THADA: variants seen among roughly 807,000 people sequenced by gnomAD.
The protein encoded by THADA is tRNA (32-2'-O)-methyltransferase regulator THADA.
A neutral mutation model predicts 219.8 loss-of-function variants in THADA; 213 were observed. The observed-to-expected ratio is 0.97, with a 90% CI of 0.87 to 1.09. The LOEUF is 1.09. Among genes scored for constraint, THADA ranks in the 50% least tolerant of loss-of-function variants. THADA has a pLI of 0.00. For synonymous variants in THADA, 1,018 were observed against 828.9 expected, an observed-to-expected ratio of 1.23 and a Z score of -3.92; for missense variants, 2,956 against 2,311.3, an observed-to-expected ratio of 1.28 and a Z score of -5.72.
At position 43,577,198 on chromosome 2, in the gene THADA, G is replaced by C. The variant is rs201687277; in HGVS notation, c.861C>G (p.Pro287=). ...TCCTGCAGCTGCTCATAAACCACTC[G>C]GGGACACTGGTGCAGTCCACTGAAC... The part of the protein sequence containing the change: ...LLRSVDCTSV[P]EWFMSSCRSL... Residue 287 remains proline (P), a synonymous_variant, in exon 10 of 38, where the codon CCC becomes CCG. Transcript: ENST00000405975. The C allele has an allele frequency of 1.5e-5, 24 of 1,602,662 alleles. No individual in the cohort carries two copies. In the Admixed American group the frequency reaches 1.9e-4, roughly 13 times the overall value.
intron 36 of THADA, among the ~76,000 whole-genome samples, chr2:43,247,643 C>G (rs368306061): frequency 7.0e-6 from 1 of 143,206 alleles, no homozygotes; most frequent in African/African-American, 2.6e-5. Context: ...GCACGAGAAT[C>G]GCTTGAACCC....
Position 43,593,946 on chromosome 2 carries a change from C to T in THADA, c.-24-1530G>A, listed in dbSNP as rs964704224. On this transcript the variant is annotated intron_variant, in intron 1 of 37. Transcript: ENST00000405975. The stretch of plus-strand genomic sequence containing the variant: ...CCGCGCCCAGCCTTAGACTTCTTGT[C>T]TTGCTATTAGATTAGTAAAAGTCAG... 7.9e-5 allele frequency among the ~76,000 whole-genome samples: 12 copies of T among 152,206 alleles called. No individual in the cohort carries two copies. In the East Asian group the frequency reaches 1.4e-3, roughly 17 times the overall value.
intron 28 of THADA, among the ~76,000 whole-genome samples, chr2:43,424,238 G>A (rs1678117906): frequency 6.6e-6 from 1 of 152,144 alleles, no homozygotes. Flanking sequence ...GAAATAGCAG[G>A]TAAGTACACA....
chr2:43,590,697 A>G (rs536409371), intron 4 of THADA, 127 bp downstream of exon 4: 1 of 990,494 alleles, frequency 1.0e-6, no homozygotes, highest in African/African-American at 1.6e-5. Flanking sequence ...AACAGAGAAC[A>G]AACCATATGA....
chr2:43,277,668 C>T (rs1011216510), intron 36 of THADA, among the ~76,000 whole-genome samples: 1 of 152,218 alleles, frequency 6.6e-6, no homozygotes, highest in South Asian at 2.1e-4. Context: ...TGAGAAGTAA[C>T]TTTAATTTTT....
chr2:43,298,860 G>GACCT (rs1344171266), intron 31 of THADA, among the ~76,000 whole-genome samples: 1 of 152,124 alleles, frequency 6.6e-6, no homozygotes, highest in African/African-American at 2.4e-5. Flanking sequence ...GGGACTTCTT[G>GACCT]ACCTACACTG....
chr2:43,583,760 G>A (rs980525613), intron 7 of THADA, among the ~76,000 whole-genome samples: 18 of 152,218 alleles, frequency 1.2e-4, no homozygotes, highest in East Asian at 5.8e-4. Context: ...TGCTACAAAC[G>A]TGGAAGACCC....
Position 43,292,751 on chromosome 2 carries a change from T to G in THADA, c.4818+83A>C, listed in dbSNP as rs1674884207. ...CCCCTGGAGAGCCTAAACCCAATCT[T>G]GCCTTCATGATCCTACCATTCCAGT... On this transcript the variant is annotated intron_variant, in intron 32 of 37. Coordinates refer to ENST00000405975, the MANE Select transcript of THADA (RefSeq NM_022065.5). 7.9e-6 allele frequency: 12 copies of G among 1,523,814 alleles called. No individual in the cohort carries two copies. The East Asian group carries it at 2.5e-4, about 32-fold the overall frequency. 94.4% of individuals were successfully genotyped at this position (1,523,814 alleles called of 1,614,324 possible).
intron 28 of THADA, among the ~76,000 whole-genome samples, chr2:43,401,721 G>A (rs1422765583): frequency 6.6e-6 from 1 of 152,122 alleles, no homozygotes; most frequent in Non-Finnish European, 1.5e-5. Context: ...TAAATTAACA[G>A]AAGAAAAATA....
At chr2:43,271,063 G>C (rs1672062181) in intron 36 of THADA, among the ~76,000 whole-genome samples, 1 of 152,172 alleles carries the variant, frequency 6.6e-6, no homozygotes, top group South Asian at 2.1e-4. Context: ...AGGCCTTCCA[G>C]ATCGATTCAT....
At chr2:43,238,614 T>C (rs749819134) in intron 36 of THADA, among the ~76,000 whole-genome samples, 1 of 152,090 alleles carries the variant, frequency 6.6e-6, no homozygotes, top group African/African-American at 2.4e-5. Flanking sequence ...TAGGAGTGTA[T>C]CTAAGAGAGA....
intron 19 of THADA, among the ~76,000 whole-genome samples, chr2:43,551,486 T>G (rs768773097): frequency 4.6e-5 from 7 of 152,150 alleles, no homozygotes; most frequent in Non-Finnish European, 8.8e-5. Context: ...CTGGAGCATT[T>G]TGTATTTCCA....
chr2:43,258,110 C>T (rs1670530632), intron 36 of THADA, among the ~76,000 whole-genome samples: 1 of 152,164 alleles, frequency 6.6e-6, no homozygotes, highest in Admixed American at 6.5e-5. Context: ...GCCCACGGAG[C>T]AGGCTTGCAG....
At chr2:43,314,621 A>G (rs575197776) in intron 31 of THADA, among the ~76,000 whole-genome samples, 13 of 152,360 alleles carry the variant, frequency 8.5e-5, no homozygotes, top group Non-Finnish European at 1.9e-4. Context: ...TGGGTTTAAT[A>G]TAAGAATTAA....
chr2:43,269,665 C>G (rs1250178186), intron 36 of THADA, among the ~76,000 whole-genome samples: 1 of 152,232 alleles, frequency 6.6e-6, no homozygotes. Flanking sequence ...TTGATCAAAT[C>G]TCTTTATTTT....
chr2:43,433,752 A>G (rs944560896), intron 26 of THADA, among the ~76,000 whole-genome samples: 1 of 151,914 alleles, frequency 6.6e-6, no homozygotes, highest in Non-Finnish European at 1.5e-5. Flanking sequence ...CAGTGGTGCA[A>G]TTTCGGCTCA....
At chr2:43,344,478 C>T (rs1361476295) in intron 29 of THADA, among the ~76,000 whole-genome samples, 1 of 152,222 alleles carries the variant, frequency 6.6e-6, no homozygotes, top group Non-Finnish European at 1.5e-5. Context: ...AAACTGATGA[C>T]TGTGGCCCAA....
intron 29 of THADA, among the ~76,000 whole-genome samples, chr2:43,355,385 C>T (rs900080995): frequency 3.3e-5 from 5 of 152,164 alleles, no homozygotes; most frequent in African/African-American, 9.7e-5. Context: ...TCCGTATCTT[C>T]GCCAGCACTC....
chr2:43,593,864 A>T (rs915534185), intron 1 of THADA, among the ~76,000 whole-genome samples: 1 of 151,896 alleles, frequency 6.6e-6, no homozygotes, highest in African/African-American at 2.4e-5. Context: ...CGATCTCCTG[A>T]CCTCGTGATC....
Sources: gnomAD v4.1 joint callset for allele counts (sites outside exome capture counted in the v4.1 genomes callset) on GRCh38, gnomAD v4.1.1 for gene constraint, MANE v1.5 for transcripts, NCBI Gene and HGNC (gene_info 2026-07-23, HGNC 2026-07-21) for gene names.